The following RBFOX1 variants were observed in gnomAD, a reference collection of about 807,000 sequenced individuals.
The protein encoded by RBFOX1 is RNA binding protein fox-1 homolog 1.
A neutral mutation model predicts 57.7 loss-of-function variants in RBFOX1; 8 were observed. That is an observed-to-expected ratio of 0.14 (90% CI 0.08 to 0.25). The LOEUF is 0.25. Ranked by LOEUF, RBFOX1 falls within the 10% of genes least tolerant of loss-of-function variation. RBFOX1 has a pLI of 1.00. For missense variants in RBFOX1, 611 were observed against 548.5 expected (o/e 1.11, Z -1.14); for synonymous variants, 326 against 222.4 (o/e 1.47, Z -4.15).
intron 3 of RBFOX1, among the ~76,000 whole-genome samples, chr16:5,623,681 T>C (rs2048264991): frequency 6.6e-6 from 1 of 152,126 alleles, no homozygotes; most frequent in South Asian, 2.1e-4. Flanking sequence ...CTCTTCTCCC[T>C]ACCTCCTTCC....
intron 2 of RBFOX1, among the ~76,000 whole-genome samples, chr16:6,648,241 TG>T (rs2098549729): frequency 6.6e-6 from 1 of 151,860 alleles, no homozygotes; most frequent in Non-Finnish European, 1.5e-5. Flanking sequence ...TTATTTTTTT[TG>T]TAGAGACACT....
Position 7,005,711 on chromosome 16 carries a change from C to G in RBFOX1, c.-15-46346C>G, listed in dbSNP as rs114771545. 5.5e-3 allele frequency among the ~76,000 whole-genome samples: 835 copies of G among 152,226 alleles called. 11 individuals carry two copies. Among genetic ancestry groups the G allele is most frequent in the African/African-American group, 0.019 (795 of 41,530 alleles). Reference sequence around the variant, plus strand: ...AGGCCATCTCAGGACTGTGGTGGGTCAGGACAAGACAAGACCGCTAGGTGA... The same window carrying G: ...AGGCCATCTCAGGACTGTGGTGGGTGAGGACAAGACAAGACCGCTAGGTGA... On this transcript the variant is annotated intron_variant, in intron 3 of 15. Transcript: ENST00000550418.
intron 4 of RBFOX1, among the ~76,000 whole-genome samples, chr16:7,284,902 CTCTT>C (rs2095618456): frequency 6.6e-6 from 1 of 152,174 alleles, no homozygotes; most frequent in Admixed American, 6.5e-5. Flanking sequence ...AGCATGCACA[CTCTT>C]TCTTACATCC....
intron 2 of RBFOX1, among the ~76,000 whole-genome samples, chr16:6,575,180 C>A (rs971238763): frequency 6.6e-6 from 1 of 151,990 alleles, no homozygotes; most frequent in Admixed American, 6.6e-5. Context: ...AAAGACACGG[C>A]CTCATTTTAT....
At chr16:7,709,954 A>T in intron 15 of RBFOX1, 1 of 1,015,228 alleles carries the variant, frequency 9.9e-7, no homozygotes, top group Non-Finnish European at 1.2e-6. Flanking sequence ...GAATCCCCAT[A>T]GGCATTCATT....
chr16:6,591,142 T>C (rs941012049), intron 2 of RBFOX1, among the ~76,000 whole-genome samples: 9 of 152,156 alleles, frequency 5.9e-5, no homozygotes, highest in African/African-American at 2.2e-4. Flanking sequence ...ATACAATAAA[T>C]ACATTCATAA....
At chr16:6,858,613 A>T (rs1192587133) in intron 3 of RBFOX1, among the ~76,000 whole-genome samples, 1 of 152,054 alleles carries the variant, frequency 6.6e-6, no homozygotes, top group Admixed American at 6.5e-5. Context: ...TTTATGTGAG[A>T]CTCAGACGAT....
chr16:6,085,821 T>A (rs2096075546), intron 1 of RBFOX1, among the ~76,000 whole-genome samples: 1 of 152,200 alleles, frequency 6.6e-6, no homozygotes, highest in Non-Finnish European at 1.5e-5. Flanking sequence ...AAGTGCTGAT[T>A]CTTTTTTTTT....
At chr16:6,817,254 G>A (rs1386109960) in intron 3 of RBFOX1, among the ~76,000 whole-genome samples, 2 of 152,036 alleles carry the variant, frequency 1.3e-5, no homozygotes, top group Non-Finnish European at 2.9e-5. Context: ...AGACACCCAG[G>A]TAACATACTT....
chr16:5,384,754 C>G (rs2066214846), intron 1 of RBFOX1, among the ~76,000 whole-genome samples: 1 of 152,184 alleles, frequency 6.6e-6, no homozygotes, highest in African/African-American at 2.4e-5. Flanking sequence ...AAGATATGGA[C>G]TAGAGACTCT....
At chr16:6,473,552 AC>A (rs1199109029) in intron 2 of RBFOX1, among the ~76,000 whole-genome samples, 1 of 149,132 alleles carries the variant, frequency 6.7e-6, no homozygotes. Flanking sequence ...AATCCTGTTG[AC>A]AAAAAACATA....
chr16:6,815,624 A>G (rs909555067), intron 3 of RBFOX1, among the ~76,000 whole-genome samples: 5 of 152,166 alleles, frequency 3.3e-5, no homozygotes, highest in African/African-American at 1.2e-4. Context: ...CTTGAAGCAA[A>G]TGAGTGACTT....
intron 1 of RBFOX1, among the ~76,000 whole-genome samples, chr16:5,358,137 TG>T (rs2065444652): frequency 6.6e-6 from 1 of 152,104 alleles, no homozygotes. Flanking sequence ...TCCTTGCTCC[TG>T]GTGGTTTGCT....
chr16:6,146,230 G>A (rs998954351), intron 1 of RBFOX1, among the ~76,000 whole-genome samples: 1 of 152,190 alleles, frequency 6.6e-6, no homozygotes, highest in Admixed American at 6.5e-5. Context: ...GCTTGGCACA[G>A]CAGGAGCTTC....
intron 10 of RBFOX1, among the ~76,000 whole-genome samples, chr16:7,613,600 A>C (rs570633340): frequency 6.6e-6 from 1 of 152,062 alleles, no homozygotes; most frequent in Non-Finnish European, 1.5e-5. Flanking sequence ...CAAAAGGGCA[A>C]CTGTATTTGA....
chr16:7,030,958 C>A (rs1348153185), intron 3 of RBFOX1, among the ~76,000 whole-genome samples: 3 of 152,108 alleles, frequency 2.0e-5, no homozygotes, highest in African/African-American at 7.2e-5. Flanking sequence ...ATAAAATGAT[C>A]AAGAAAGGAC....
At chr16:7,123,448 T>A (rs1457132138) in intron 4 of RBFOX1, among the ~76,000 whole-genome samples, 1 of 152,202 alleles carries the variant, frequency 6.6e-6, no homozygotes, top group Non-Finnish European at 1.5e-5. Flanking sequence ...CACTGTAACC[T>A]TGACCTCCTG....
chr16:7,645,103 C>G (rs1361738035), intron 11 of RBFOX1, among the ~76,000 whole-genome samples: 3 of 151,960 alleles, frequency 2.0e-5, no homozygotes, highest in Non-Finnish European at 2.9e-5. Flanking sequence ...CTTTTTTTTC[C>G]CTTTCAAAAA....
chr16:6,024,045 C>T (rs988914297), intron 1 of RBFOX1, among the ~76,000 whole-genome samples: 2 of 152,156 alleles, frequency 1.3e-5, no homozygotes, highest in South Asian at 2.1e-4. Context: ...GTTATATACA[C>T]AGGCAACTGT....
Sources: allele counts gnomAD v4.1 joint callset (sites outside exome capture counted in the v4.1 genomes callset), GRCh38; gene constraint gnomAD v4.1.1; transcripts MANE v1.5; gene names NCBI Gene and HGNC (gene_info 2026-07-23, HGNC 2026-07-21).